HDAC9: variants seen among roughly 807,000 people sequenced by gnomAD.
HDAC9 encodes the protein MEF-2 interacting transcription repressor (MITR) protein.
Under a neutral mutation model 139.4 loss-of-function variants are expected in HDAC9, and 41 were observed. The ratio of observed to expected loss-of-function variants is 0.29; its 90% CI spans 0.23 to 0.38. The LOEUF is 0.38. HDAC9 is among the 10% of genes least tolerant of loss of function. HDAC9 has a pLI of 1.00. For synonymous variants in HDAC9, 517 were observed against 476.2 expected (o/e 1.09, Z -1.12); for missense variants, 1,147 against 1,297.0 (o/e 0.88, Z 1.78).
chr7:18,142,957 C>G (rs1323257523), intron 1 of HDAC9, among the ~76,000 whole-genome samples: 1 of 152,214 alleles, frequency 6.6e-6, no homozygotes, highest in African/African-American at 2.4e-5. Context: ...AAACCCTGGA[C>G]TTAGTTGTGA....
intron 11 of HDAC9, among the ~76,000 whole-genome samples, chr7:18,655,541 G>A (rs1305163567): frequency 6.6e-6 from 1 of 152,130 alleles, no homozygotes; most frequent in Admixed American, 6.6e-5. Flanking sequence ...TCATATAGAT[G>A]TATTTCACTA....
intron 1 of HDAC9, among the ~76,000 whole-genome samples, chr7:18,307,448 A>G (rs531384325): frequency 1.1e-4 from 16 of 152,290 alleles, no homozygotes; most frequent in Admixed American, 4.6e-4. Context: ...TTACCATGTC[A>G]TTTTCACAAA....
rs186277188 is a variant in HDAC9, at chr7:18,695,057, A to G, written c.1731+28581A>G. Among the ~76,000 whole-genome samples the G allele has an allele frequency of 3.3e-5, 5 of 152,316 alleles. No individual in the cohort carries two copies. In the East Asian group the frequency reaches 7.7e-4, roughly 24 times the overall value. On this transcript the variant is annotated intron_variant, in intron 12 of 25. Coordinates refer to ENST00000686413, the MANE Select transcript of HDAC9 (RefSeq NM_178425.4). ...GTTGCTGCATGGAATTAGTAAGGAC[A>G]TAAGTGACACTTAACATTATTCTAA...
intron 22 of HDAC9, among the ~76,000 whole-genome samples, chr7:18,932,831 G>A (rs10246593): frequency 0.83 from 123,459 of 149,382 alleles, 51,258 homozygotes; most frequent in East Asian, 0.91. Context: ...AAAGAAGGAA[G>A]GAAGGAAGGA....
chr7:18,503,438 G>A (rs932710613), intron 2 of HDAC9, among the ~76,000 whole-genome samples: 2 of 152,184 alleles, frequency 1.3e-5, no homozygotes, highest in Non-Finnish European at 1.5e-5. Flanking sequence ...ACTTTCAAGT[G>A]TTATCAGAGA....
At chr7:18,661,507 A>T (rs1431214281) in intron 11 of HDAC9, among the ~76,000 whole-genome samples, 1 of 152,150 alleles carries the variant, frequency 6.6e-6, no homozygotes, top group Non-Finnish European at 1.5e-5. Flanking sequence ...GTAGAATGGT[A>T]TAAAAAGTTC....
chr7:18,314,911 T>C (rs1799537322), intron 1 of HDAC9, among the ~76,000 whole-genome samples: 1 of 152,230 alleles, frequency 6.6e-6, no homozygotes, highest in Admixed American at 6.5e-5. Context: ...AATAAATATG[T>C]GTTAAGTAGT....
intron 22 of HDAC9, among the ~76,000 whole-genome samples, chr7:18,895,395 A>G (rs982690804): frequency 1.3e-5 from 2 of 152,114 alleles, no homozygotes; most frequent in African/African-American, 4.8e-5. Context: ...AGATCCTAGA[A>G]ATACTGCAGT....
chr7:18,155,635 T>A (rs1787132243), intron 1 of HDAC9, among the ~76,000 whole-genome samples: 1 of 152,206 alleles, frequency 6.6e-6, no homozygotes. Context: ...ATGGTTCTCC[T>A]AAAAGTCTTA....
At chr7:18,185,340 G>C (rs62449106) in intron 2 of HDAC9, among the ~76,000 whole-genome samples, 1 of 152,162 alleles carries the variant, frequency 6.6e-6, no homozygotes, top group Non-Finnish European at 1.5e-5. Flanking sequence ...AGGCTTAGGC[G>C]TGAGTATTCG....
intron 22 of HDAC9, among the ~76,000 whole-genome samples, chr7:18,903,351 G>A (rs528985942): frequency 3.1e-4 from 47 of 152,272 alleles, no homozygotes; most frequent in Admixed American, 1.4e-3. Flanking sequence ...CTTGTGTGGC[G>A]CCTAAGCAAT....
At chr7:18,266,874 T>C (rs1281222843) in intron 2 of HDAC9, among the ~76,000 whole-genome samples, 1 of 152,144 alleles carries the variant, frequency 6.6e-6, no homozygotes, top group Non-Finnish European at 1.5e-5. Context: ...TTTTGAGAAC[T>C]AGTGCTTTAT....
chr7:18,852,119 T>G (rs1432082515), intron 21 of HDAC9, among the ~76,000 whole-genome samples: 1 of 152,192 alleles, frequency 6.6e-6, no homozygotes, highest in Non-Finnish European at 1.5e-5. Flanking sequence ...TGAGGTATCT[T>G]TCATGTGCGT....
intron 2 of HDAC9, among the ~76,000 whole-genome samples, chr7:18,263,185 A>G (rs1795788155): frequency 6.8e-6 from 1 of 146,120 alleles, no homozygotes; most frequent in Non-Finnish European, 1.6e-5. Context: ...TATGCCATGC[A>G]AACAGTGACT....
At chr7:18,573,169 T>C (rs1332419270) in intron 2 of HDAC9, among the ~76,000 whole-genome samples, 1 of 152,238 alleles carries the variant, frequency 6.6e-6, no homozygotes, top group Non-Finnish European at 1.5e-5. Flanking sequence ...TGCCATGTAG[T>C]AGTTGACTTT....
At chr7:18,356,174 C>T (rs1585336697) in intron 1 of HDAC9, among the ~76,000 whole-genome samples, 1 of 152,124 alleles carries the variant, frequency 6.6e-6, no homozygotes, top group Middle Eastern at 3.4e-3. Flanking sequence ...TCATTATTTG[C>T]ATCAAATTCA....
intron 1 of HDAC9, among the ~76,000 whole-genome samples, chr7:18,339,706 T>G (rs1476804949): frequency 1.3e-5 from 2 of 151,504 alleles, no homozygotes; most frequent in African/African-American, 4.8e-5. Flanking sequence ...AACATATATG[T>G]TTCTGTAAGT....
At chr7:18,907,530 A>G (rs374149799) in intron 22 of HDAC9, among the ~76,000 whole-genome samples, 2 of 152,236 alleles carry the variant, frequency 1.3e-5, no homozygotes, top group East Asian at 1.9e-4. Flanking sequence ...AGATTTTGTG[A>G]TGTCATATTA....
intron 22 of HDAC9, among the ~76,000 whole-genome samples, chr7:18,930,466 A>AACAC (rs147873074): frequency 6.6e-6 from 1 of 150,988 alleles, no homozygotes; most frequent in Non-Finnish European, 1.5e-5. Context: ...CATACACACA[A>AACAC]ACACACACAC....
Sources: gnomAD v4.1 joint callset for allele counts (sites outside exome capture counted in the v4.1 genomes callset) on GRCh38, gnomAD v4.1.1 for gene constraint, MANE v1.5 for transcripts, NCBI Gene and HGNC (gene_info 2026-07-23, HGNC 2026-07-21) for gene names.